TUSC3: variants seen among roughly 807,000 people sequenced by gnomAD.
The protein encoded by TUSC3 is tumor suppressor candidate 3, also known as dolichyl-diphosphooligosaccharide--protein glycosyltransferase subunit TUSC3.
TUSC3 carries 45 observed loss-of-function variants against 44.8 expected under a neutral mutation model. The ratio of observed to expected loss-of-function variants is 1.00; its 90% CI spans 0.79 to 1.29. The LOEUF (loss-of-function observed/expected upper bound fraction) is 1.29. Among genes scored for constraint, TUSC3 ranks in the 50% most tolerant of loss-of-function variants. TUSC3 has a pLI of 0.00. For synonymous variants in TUSC3, 212 were observed against 152.9 expected, an observed-to-expected ratio of 1.39 and a Z score of -2.85; for missense variants, 519 against 437.9, an observed-to-expected ratio of 1.19 and a Z score of -1.65.
chr8:15,529,039 C>G (rs1361735460), intron 2 of TUSC3, among the ~76,000 whole-genome samples: 1 of 152,214 alleles, frequency 6.6e-6, no homozygotes, highest in African/African-American at 2.4e-5. Context: ...ACTGACCTTT[C>G]CTGATACATA....
At chr8:15,495,721 C>G (rs957315517) in intron 2 of TUSC3, among the ~76,000 whole-genome samples, 17 of 152,260 alleles carry the variant, frequency 1.1e-4, no homozygotes, top group Non-Finnish European at 2.2e-4. Flanking sequence ...GGAAAATGGA[C>G]TCTTCCTGGA....
chr8:15,473,918 G>A (rs930412597), intron 1 of TUSC3, among the ~76,000 whole-genome samples: 4 of 152,210 alleles, frequency 2.6e-5, no homozygotes, highest in Middle Eastern at 3.4e-3. Flanking sequence ...AATTTACCAG[G>A]GCGAGGTTTT....
At chr8:15,614,213 C>T (rs965598829) in intron 1 of TUSC3, among the ~76,000 whole-genome samples, 1 of 151,882 alleles carries the variant, frequency 6.6e-6, no homozygotes, top group Non-Finnish European at 1.5e-5. Flanking sequence ...TTTTTTTAAT[C>T]ACCTCATGGA....
chr8:15,478,647 T>A (rs148853219), intron 1 of TUSC3, among the ~76,000 whole-genome samples: 1 of 152,314 alleles, frequency 6.6e-6, no homozygotes, highest in Non-Finnish European at 1.5e-5. Flanking sequence ...ATGATATATA[T>A]ATCCCTACCA....
At chr8:15,603,033 TA>T (rs1468883565) in intron 1 of TUSC3, among the ~76,000 whole-genome samples, 1 of 151,364 alleles carries the variant, frequency 6.6e-6, no homozygotes. Flanking sequence ...TGGACCACAG[TA>T]AAAAAAGAAA....
At chr8:15,819,837 G>A in the TUSC3 span, among the ~76,000 whole-genome samples, 16 of 152,254 alleles carry the variant, frequency 1.1e-4, no homozygotes, top group East Asian at 9.7e-4. Context: ...GAACTTGGGC[G>A]TATTTATGAT....
chr8:15,508,586 C>G (rs1801091032), intron 2 of TUSC3, among the ~76,000 whole-genome samples: 1 of 150,704 alleles, frequency 6.6e-6, no homozygotes, highest in Admixed American at 6.6e-5. Context: ...CTCAGCCTCC[C>G]GAGTAGCTGG....
chr8:15,776,039 T>C, the TUSC3 span, among the ~76,000 whole-genome samples: 1 of 152,058 alleles, frequency 6.6e-6, no homozygotes, highest in Non-Finnish European at 1.5e-5. Flanking sequence ...GATGTGTTCA[T>C]CTAATTCACT....
At chr8:15,839,718 C>A in the TUSC3 span, among the ~76,000 whole-genome samples, 3 of 152,124 alleles carry the variant, frequency 2.0e-5, no homozygotes, top group Non-Finnish European at 2.9e-5. Flanking sequence ...ATTAAAAAGT[C>A]AGGAAACAAC....
At chr8:15,524,514 T>A (rs183119256) in intron 2 of TUSC3, among the ~76,000 whole-genome samples, 1 of 152,312 alleles carries the variant, frequency 6.6e-6, no homozygotes, top group Admixed American at 6.5e-5. Context: ...TTTTCTTAAA[T>A]AAATAATAGA....
chr8:15,429,858 T>C (rs1302000009), intron 1 of TUSC3, among the ~76,000 whole-genome samples: 1 of 151,562 alleles, frequency 6.6e-6, no homozygotes, highest in Non-Finnish European at 1.5e-5. Flanking sequence ...AACACCTCTA[T>C]GCAAATAAAC....
chr8:15,581,697 T>C (rs1803351168), intron 1 of TUSC3, among the ~76,000 whole-genome samples: 1 of 144,690 alleles, frequency 6.9e-6, no homozygotes, highest in African/African-American at 2.6e-5. Flanking sequence ...AGCTGCGTGC[T>C]GGGAGAACCA....
At chr8:15,482,070 A>C (rs1161820798) in intron 1 of TUSC3, among the ~76,000 whole-genome samples, 1 of 152,220 alleles carries the variant, frequency 6.6e-6, no homozygotes, top group East Asian at 1.9e-4. Context: ...CAATGTTCAT[A>C]GCTTCTTCAC....
At chr8:15,417,289 G>A in exon 1 of TUSC3, 1 of 152,574 alleles carries the variant, frequency 6.6e-6, no homozygotes, top group Non-Finnish European at 1.5e-5. Context: ...CATGCTTCCT[G>A]CATAGCCTGC....
chr8:15,520,844 A>G (rs1401415683), intron 2 of TUSC3, among the ~76,000 whole-genome samples: 4 of 152,246 alleles, frequency 2.6e-5, no homozygotes, highest in African/African-American at 7.2e-5. Context: ...AGTAAATTGA[A>G]GTTCCTGTCC....
At chr8:15,718,847 A>G (rs940262458) in intron 6 of TUSC3, among the ~76,000 whole-genome samples, 2 of 152,120 alleles carry the variant, frequency 1.3e-5, no homozygotes, top group East Asian at 3.8e-4. Flanking sequence ...TTTACTATAC[A>G]TCCTATCAGT....
intron 1 of TUSC3, among the ~76,000 whole-genome samples, chr8:15,433,510 C>T (rs1018612691): frequency 6.6e-6 from 1 of 151,964 alleles, no homozygotes; most frequent in African/African-American, 2.4e-5. Flanking sequence ...TCCCTTTATT[C>T]CTGTTCTCAT....
intron 6 of TUSC3, among the ~76,000 whole-genome samples, chr8:15,688,713 A>G (rs760350746): frequency 6.6e-6 from 1 of 152,022 alleles, no homozygotes; most frequent in Non-Finnish European, 1.5e-5. Flanking sequence ...CCTCCCTTCC[A>G]TTTCCTCCTT....
At chr8:15,608,930 A>T (rs1013072040) in intron 1 of TUSC3, among the ~76,000 whole-genome samples, 1 of 152,172 alleles carries the variant, frequency 6.6e-6, no homozygotes, top group Non-Finnish European at 1.5e-5. Flanking sequence ...ACTCCCAAAA[A>T]ACTTGACTTG....
Sources: allele counts gnomAD v4.1 joint callset (sites outside exome capture counted in the v4.1 genomes callset), GRCh38; gene constraint gnomAD v4.1.1; transcripts MANE v1.5; gene names NCBI Gene and HGNC (gene_info 2026-07-23, HGNC 2026-07-21).